Variants in RASAL2 observed in about 807,000 individuals in gnomAD.
The protein encoded by RASAL2 is ras GTPase-activating protein nGAP.
In RASAL2, 58 loss-of-function variants were observed where a neutral mutation model predicts 128.9. The ratio of observed to expected loss-of-function variants is 0.45; its 90% CI spans 0.36 to 0.56. The LOEUF (loss-of-function observed/expected upper bound fraction) is 0.56. RASAL2 is among the 20% of genes least tolerant of loss of function. RASAL2 has a pLI of 0.00. For missense variants in RASAL2, 1,360 were observed against 1,601.6 expected (o/e 0.85, Z 2.57); for synonymous variants, 561 against 580.8 (o/e 0.97, Z 0.49).
intron 3 of RASAL2, among the ~76,000 whole-genome samples, chr1:178,365,429 CTGTTA>C (rs71567192): frequency 0.44 from 62,724 of 141,296 alleles, 13,995 homozygotes; most frequent in Admixed American, 0.48. Flanking sequence ...CTCTAGTTGC[CTGTTA>C]TGTTATGTTA....
At chr1:178,150,272 G>A (rs1027428080) in intron 1 of RASAL2, among the ~76,000 whole-genome samples, 1 of 151,952 alleles carries the variant, frequency 6.6e-6, no homozygotes, top group Non-Finnish European at 1.5e-5. Context: ...TCGGTGCACC[G>A]CAACCTCCAC....
At position 178,188,951 on chromosome 1, in the gene RASAL2, G is replaced by A. The variant is rs895157399; in HGVS notation, c.202+94257G>A. Among the ~76,000 whole-genome samples, 5 of 152,058 alleles carry A rather than the reference G, an allele frequency of 3.3e-5. No homozygotes were observed. The East Asian group carries it at 5.8e-4, about 18-fold the overall frequency. ...CACTTAATATAGAGCCATATTTACTGGTGCCAGTTATAAAATTGAGACCCA... is the reference window on the plus strand; with the variant it reads ...CACTTAATATAGAGCCATATTTACTAGTGCCAGTTATAAAATTGAGACCCA... On this transcript the variant is annotated intron_variant, in intron 1 of 17. Coordinates refer to ENST00000367649, the MANE Select transcript of RASAL2 (RefSeq NM_170692.4).
At chr1:178,315,696 T>C (rs1227381147) in intron 3 of RASAL2, among the ~76,000 whole-genome samples, 2 of 146,722 alleles carry the variant, frequency 1.4e-5, no homozygotes, top group Non-Finnish European at 3.0e-5. Context: ...ATTAGCCCTT[T>C]GTCAGATGAG....
At position 178,475,777 on chromosome 1, in the gene RASAL2, C is replaced by CT. The variant is rs1379168242; in HGVS notation, c.*2540dup. The CT allele has an allele frequency of 6.6e-6, 1 of 152,118 alleles. No homozygotes were observed. Among genetic ancestry groups the CT allele is most frequent in the African/African-American group, 2.4e-5 (1 of 41,416 alleles). The allele number at this position is 152,118 out of a possible 1,614,324, so 9.4% of individuals were successfully genotyped here. The stretch of plus-strand genomic sequence containing the variant: ...AAAACATTTGGACAGATTATGCAGC[C>CT]TTCTACTACCAGGTTATCTTGAATG... On this transcript the variant is annotated 3_prime_UTR_variant, in exon 18 of 18. Coordinates refer to ENST00000367649, the MANE Select transcript of RASAL2 (RefSeq NM_170692.4).
intron 3 of RASAL2, among the ~76,000 whole-genome samples, chr1:178,305,084 A>G (rs1667930014): frequency 6.6e-6 from 1 of 152,218 alleles, no homozygotes; most frequent in Non-Finnish European, 1.5e-5. Flanking sequence ...GTACCTAGGA[A>G]TTAACCAAAG....
chr1:178,147,535 C>CT (rs1660777073), intron 1 of RASAL2, among the ~76,000 whole-genome samples: 3 of 149,858 alleles, frequency 2.0e-5, no homozygotes, highest in Admixed American at 6.6e-5. Flanking sequence ...AACAGTAAAG[C>CT]AGTAAAGTGG....
intron 3 of RASAL2, among the ~76,000 whole-genome samples, chr1:178,354,366 T>C (rs776985064): frequency 6.6e-6 from 1 of 152,218 alleles, no homozygotes; most frequent in African/African-American, 2.4e-5. Flanking sequence ...TGATTAGTGA[T>C]ATCTACAAAA....
intron 1 of RASAL2, among the ~76,000 whole-genome samples, chr1:178,242,483 T>C (rs950079529): frequency 2.4e-4 from 26 of 107,052 alleles, no homozygotes; most frequent in African/African-American, 8.6e-4. Context: ...CTCTCTCTCT[T>C]TCATCTCTCT....
At chr1:178,269,567 G>A (rs1373045358) in intron 1 of RASAL2, among the ~76,000 whole-genome samples, 5 of 152,128 alleles carry the variant, frequency 3.3e-5, no homozygotes, top group Non-Finnish European at 7.3e-5. Flanking sequence ...TGCAGTAAAG[G>A]AGCTGGCCAA....
chr1:178,284,013 G>A (rs1347672916), intron 2 of RASAL2, among the ~76,000 whole-genome samples: 1 of 152,132 alleles, frequency 6.6e-6, no homozygotes, highest in African/African-American at 2.4e-5. Context: ...AATTACATCA[G>A]TACTTCCTAG....
At chr1:178,134,919 C>T (rs945604556) in intron 1 of RASAL2, among the ~76,000 whole-genome samples, 1 of 152,148 alleles carries the variant, frequency 6.6e-6, no homozygotes, top group Non-Finnish European at 1.5e-5. Context: ...TGCTCGTTGA[C>T]TTTTGGGAGG....
chr1:178,355,164 T>A (rs553527132), intron 3 of RASAL2, among the ~76,000 whole-genome samples: 1 of 152,344 alleles, frequency 6.6e-6, no homozygotes, highest in East Asian at 1.9e-4. Context: ...TATATATTTG[T>A]ATATATTAGG....
chr1:178,107,616 T>C (rs545296837), intron 1 of RASAL2, among the ~76,000 whole-genome samples: 1 of 152,268 alleles, frequency 6.6e-6, no homozygotes, highest in East Asian at 1.9e-4. Flanking sequence ...CATTAAACAA[T>C]GACTCTCCCT....
At chr1:178,136,952 T>A (rs1389367572) in intron 1 of RASAL2, among the ~76,000 whole-genome samples, 1 of 152,052 alleles carries the variant, frequency 6.6e-6, no homozygotes, top group East Asian at 1.9e-4. Context: ...CTTTTATCCT[T>A]TAATTAGATG....
intron 1 of RASAL2, among the ~76,000 whole-genome samples, chr1:178,159,033 T>C (rs1255787231): frequency 1.3e-5 from 2 of 152,252 alleles, no homozygotes; most frequent in African/African-American, 4.8e-5. Context: ...TACAGAGGTT[T>C]TGATCACTTT....
chr1:178,270,627 C>CTTTTTTTTTTTTTTTT (rs34462041), intron 1 of RASAL2, among the ~76,000 whole-genome samples: 4 of 138,440 alleles, frequency 2.9e-5, no homozygotes, highest in Non-Finnish European at 3.1e-5. Context: ...CTGTGTCTCT[C>CTTTTTTTTTTTTTTTT]TTTTTTTTTT....
At chr1:178,468,097 G>A (rs41320447) in intron 17 of RASAL2, among the ~76,000 whole-genome samples, 10,441 of 152,248 alleles carry the variant, frequency 0.069, 1,155 homozygotes, top group African/African-American at 0.23. Context: ...GCACCTCATA[G>A]GGACATGTCA....
intron 1 of RASAL2, among the ~76,000 whole-genome samples, chr1:178,154,188 C>A (rs1217385655): frequency 1.3e-5 from 2 of 151,146 alleles, no homozygotes; most frequent in Non-Finnish European, 2.9e-5. Context: ...GCTCTATACT[C>A]CAGGCTGTAG....
chr1:178,209,755 A>G (rs1447192488), intron 1 of RASAL2, among the ~76,000 whole-genome samples: 3 of 151,952 alleles, frequency 2.0e-5, no homozygotes, highest in East Asian at 1.9e-4. Flanking sequence ...TTAATCAGAT[A>G]TCATTATCTG....
Sources: gnomAD v4.1 joint callset for allele counts (sites outside exome capture counted in the v4.1 genomes callset) on GRCh38, gnomAD v4.1.1 for gene constraint, MANE v1.5 for transcripts, NCBI Gene and HGNC (gene_info 2026-07-23, HGNC 2026-07-21) for gene names.